The following C2orf76 variants were observed in gnomAD, a reference collection of about 807,000 sequenced individuals.
C2orf76 encodes the protein UPF0538 protein C2orf76.
C2orf76 carries 23 observed loss-of-function variants against 16.9 expected under a neutral mutation model. That is an observed-to-expected ratio of 1.36 (90% CI 0.98 to 1.93). C2orf76 has a LOEUF of 1.93. C2orf76 is among the 30% of genes most tolerant of loss of function. The pLI is 0.00. For synonymous variants in C2orf76, 48 were observed against 52.3 expected, an observed-to-expected ratio of 0.92 and a Z score of 0.35; for missense variants, 152 against 152.6, an observed-to-expected ratio of 1.00 and a Z score of 0.02.
At chr2:119,337,059 A>ATT (rs1558789157) in intron 2 of C2orf76, among the ~76,000 whole-genome samples, 7 of 59,748 alleles carry the variant, frequency 1.2e-4, no homozygotes, top group African/African-American at 2.9e-4. Context: ...TTATTTATTT[A>ATT]TTTATTTATT....
At chr2:119,359,064 T>G (rs937281750) in intron 1 of C2orf76, among the ~76,000 whole-genome samples, 3 of 152,148 alleles carry the variant, frequency 2.0e-5, no homozygotes, top group Admixed American at 1.3e-4. Flanking sequence ...TGACTTTCAG[T>G]TGAAGCCAAC....
intron 3 of C2orf76, among the ~76,000 whole-genome samples, chr2:119,318,662 TG>T (rs1422729146): frequency 2.0e-5 from 3 of 152,080 alleles, no homozygotes; most frequent in Admixed American, 1.3e-4. Context: ...CCCGAGCAGC[TG>T]GGATTACAGG....
At chr2:119,330,275 G>C (rs1437959685) in intron 2 of C2orf76, among the ~76,000 whole-genome samples, 4 of 151,456 alleles carry the variant, frequency 2.6e-5, no homozygotes, top group African/African-American at 7.3e-5. Flanking sequence ...TACTTGGGAG[G>C]CTGAGGCAGG....
chr2:119,335,652 A>G (rs1292777653), intron 2 of C2orf76, among the ~76,000 whole-genome samples: 7 of 152,256 alleles, frequency 4.6e-5, no homozygotes, highest in Admixed American at 4.6e-4. Context: ...TCTGAAAAGT[A>G]CCATTTGAAA....
Position 119,335,334 on chromosome 2 carries a change from AAT to A in C2orf76, c.133+4491_133+4492del, listed in dbSNP as rs145928143. 2.9e-3 allele frequency among the ~76,000 whole-genome samples: 439 copies of A among 152,304 alleles called. 4 individuals are homozygous for A. The highest frequency in any genetic ancestry group is 0.01 in the African/African-American group (425 of 41,574). On this transcript the variant is annotated intron_variant, in intron 2 of 5. Transcript: ENST00000334816. ...GTACCTAGATCCTGGTTTCTAACAC[AAT>A]TTTCCACTAAAAAAGAACTGAGACT...
intron 1 of C2orf76, among the ~76,000 whole-genome samples, chr2:119,364,409 T>C (rs1307300099): frequency 6.6e-6 from 1 of 152,208 alleles, no homozygotes; most frequent in African/African-American, 2.4e-5. Flanking sequence ...ACATGGTCCT[T>C]GCACCAGAGT....
upstream of C2orf76, chr2:119,366,973 T>A: frequency 1.9e-6 from 3 of 1,593,538 alleles, no homozygotes; most frequent in Non-Finnish European, 2.6e-6. Flanking sequence ...TAAAGGCGCT[T>A]GCCAGTGCAA....
chr2:119,346,108 CT>C (rs1214126729), intron 1 of C2orf76, among the ~76,000 whole-genome samples: 2 of 150,330 alleles, frequency 1.3e-5, no homozygotes, highest in African/African-American at 4.9e-5. Flanking sequence ...ATTTACATAC[CT>C]ATCAGGATGG....
At chr2:119,322,920 A>G (rs1407699097) in intron 2 of C2orf76, among the ~76,000 whole-genome samples, 1 of 152,170 alleles carries the variant, frequency 6.6e-6, no homozygotes, top group Non-Finnish European at 1.5e-5. Flanking sequence ...GAGACTTTTC[A>G]CTATATTCCT....
At chr2:119,315,078 C>T (rs140435592) in intron 4 of C2orf76, among the ~76,000 whole-genome samples, 228 of 152,140 alleles carry the variant, frequency 1.5e-3, no homozygotes, top group African/African-American at 5.3e-3. Context: ...AAGTTTGTTC[C>T]AGGATATGAC....
chr2:119,289,679 C>T, the C2orf76 span, among the ~76,000 whole-genome samples: 3 of 145,452 alleles, frequency 2.1e-5, no homozygotes, highest in East Asian at 3.9e-4. Context: ...AGTGAGACTC[C>T]GTCTCAAGAA....
the C2orf76 span, among the ~76,000 whole-genome samples, chr2:119,291,571 A>C: frequency 4.6e-5 from 7 of 151,920 alleles, no homozygotes; most frequent in African/African-American, 1.7e-4. Context: ...CGGGAAATGA[A>C]ATGGGAAGAG....
intron 2 of C2orf76, among the ~76,000 whole-genome samples, chr2:119,333,551 T>C (rs1369211185): frequency 6.6e-6 from 1 of 152,210 alleles, no homozygotes; most frequent in Non-Finnish European, 1.5e-5. Context: ...ATCACCTACA[T>C]CAAGGCCAGC....
intron 5 of C2orf76, among the ~76,000 whole-genome samples, chr2:119,307,074 G>T (rs538144204): frequency 1.3e-5 from 2 of 151,964 alleles, no homozygotes; most frequent in Non-Finnish European, 2.9e-5. Context: ...AGATGACTTC[G>T]AATTTTTCTC....
intron 5 of C2orf76, among the ~76,000 whole-genome samples, chr2:119,310,432 G>C (rs1678945405): frequency 6.6e-6 from 1 of 152,116 alleles, no homozygotes; most frequent in Non-Finnish European, 1.5e-5. Flanking sequence ...TCACAACATG[G>C]TATTTAAGAT....
chr2:119,334,063 G>A (rs1679760491), intron 2 of C2orf76, among the ~76,000 whole-genome samples: 1 of 151,968 alleles, frequency 6.6e-6, no homozygotes, highest in Non-Finnish European at 1.5e-5. Context: ...AAAGTGTTGG[G>A]ATTACAGGCA....
chr2:119,295,890 G>A, the C2orf76 span, among the ~76,000 whole-genome samples: 20 of 152,218 alleles, frequency 1.3e-4, no homozygotes, highest in African/African-American at 4.3e-4. Context: ...AAATCACACC[G>A]TCGAGCAGCA....
intron 3 of C2orf76, among the ~76,000 whole-genome samples, chr2:119,320,846 T>C (rs1321780540): frequency 6.6e-6 from 1 of 152,142 alleles, no homozygotes; most frequent in Non-Finnish European, 1.5e-5. Flanking sequence ...GCTCAAATTA[T>C]TGGCATTTAA....
At chr2:119,335,322 G>A (rs1276410204) in intron 2 of C2orf76, among the ~76,000 whole-genome samples, 3 of 152,044 alleles carry the variant, frequency 2.0e-5, no homozygotes, top group African/African-American at 7.2e-5. Context: ...CCTAGATCCT[G>A]GTTTCTAACA....
Sources: allele counts gnomAD v4.1 joint callset (sites outside exome capture counted in the v4.1 genomes callset), GRCh38; gene constraint gnomAD v4.1.1; transcripts MANE v1.5; gene names NCBI Gene and HGNC (gene_info 2026-07-23, HGNC 2026-07-21).